WWOX: variants seen among roughly 807,000 people sequenced by gnomAD.
WWOX encodes the protein WW domain containing oxidoreductase.
WWOX carries 69 observed loss-of-function variants against 46.2 expected under a neutral mutation model. The ratio of observed to expected loss-of-function variants is 1.49; its 90% CI spans 1.23 to 1.82. WWOX has a LOEUF of 1.82. Ranked by LOEUF, WWOX falls within the 40% of genes most tolerant of loss-of-function variation. WWOX has a pLI of 0.00. For missense variants in WWOX, 919 were observed against 542.6 expected (o/e 1.69, Z -6.89); for synonymous variants, 359 against 202.6 (o/e 1.77, Z -6.56).
intron 8 of WWOX, among the ~76,000 whole-genome samples, chr16:79,023,674 C>G (rs573097001): frequency 3.3e-5 from 5 of 151,990 alleles, no homozygotes; most frequent in African/African-American, 1.2e-4. Context: ...AATCCCAGCA[C>G]TTTGGGAGGC....
At position 78,296,609 on chromosome 16, in the gene WWOX, C is replaced by T. The variant is rs758185422; in HGVS notation, c.517-90251C>T. ...AACAACCATGTACAGAAATTATACT[C>T]TGTACACAGGGGAAATATGAAAGTT... On this transcript the variant is annotated intron_variant, in intron 5 of 8. Transcript: ENST00000566780. 1.3e-4 allele frequency among the ~76,000 whole-genome samples: 20 copies of T among 151,560 alleles called. 1 individual carries two copies. Among genetic ancestry groups the T allele is most frequent in the Non-Finnish European group, 2.4e-4 (16 of 67,916 alleles).
At chr16:78,710,825 C>T (rs2048429658) in intron 8 of WWOX, among the ~76,000 whole-genome samples, 1 of 151,794 alleles carries the variant, frequency 6.6e-6, no homozygotes, top group East Asian at 1.9e-4. Context: ...CTTTGTGGCC[C>T]AGGCTGATCT....
intron 8 of WWOX, chr16:79,205,247 C>A (rs1315604549): frequency 2.0e-5 from 3 of 152,228 alleles, no homozygotes; most frequent in Admixed American, 6.5e-5. Flanking sequence ...TGGTGATGGA[C>A]TGGCACTTTA....
At chr16:78,865,973 A>G (rs2043994584) in intron 8 of WWOX, among the ~76,000 whole-genome samples, 1 of 152,186 alleles carries the variant, frequency 6.6e-6, no homozygotes, top group Non-Finnish European at 1.5e-5. Context: ...GTTTTTAAAA[A>G]CCGTAGGTGA....
Position 78,486,229 on chromosome 16 carries a change from C to T in WWOX, c.1056+53477C>T, listed in dbSNP as rs564953453. Among the ~76,000 whole-genome samples, 28 of 152,246 alleles carry T rather than the reference C, an allele frequency of 1.8e-4. 1 individual carries two copies. Among genetic ancestry groups the T allele is most frequent in the Admixed American group, 1.7e-3 (26 of 15,288 alleles). Reference sequence around the variant, plus strand: ...TCACACCTTGGCTGATTTCAAGTTGCAGCTTGGAACTTGGAGTTAGAAAGA... The same window carrying T: ...TCACACCTTGGCTGATTTCAAGTTGTAGCTTGGAACTTGGAGTTAGAAAGA... On this transcript the variant is annotated intron_variant, in intron 8 of 8. Coordinates refer to ENST00000566780, the MANE Select transcript of WWOX (RefSeq NM_016373.4).
intron 8 of WWOX, among the ~76,000 whole-genome samples, chr16:79,172,218 C>T (rs949270096): frequency 2.0e-5 from 3 of 152,134 alleles, no homozygotes; most frequent in Admixed American, 1.3e-4. Flanking sequence ...GTTTTATTTC[C>T]CCACTTGGCA....
At chr16:78,559,322 A>G (rs2044377991) in intron 8 of WWOX, among the ~76,000 whole-genome samples, 1 of 152,208 alleles carries the variant, frequency 6.6e-6, no homozygotes, top group Non-Finnish European at 1.5e-5. Context: ...GACTGGTAGC[A>G]GGTGGGCTCC....
chr16:78,427,347 G>C (rs1283736728), intron 7 of WWOX, among the ~76,000 whole-genome samples: 1 of 152,184 alleles, frequency 6.6e-6, no homozygotes, highest in Non-Finnish European at 1.5e-5. Context: ...ACTGAATTGA[G>C]TTTCTGCATA....
chr16:78,382,826 CG>C (rs1310821727), intron 5 of WWOX, among the ~76,000 whole-genome samples: 1 of 151,802 alleles, frequency 6.6e-6, no homozygotes, highest in Non-Finnish European at 1.5e-5. Context: ...AGAAAATAAA[CG>C]CATCTCAAGT....
chr16:79,054,825 TCAAAA>T (rs956131565), intron 8 of WWOX, among the ~76,000 whole-genome samples: 2 of 152,130 alleles, frequency 1.3e-5, no homozygotes, highest in Non-Finnish European at 2.9e-5. Flanking sequence ...GACCTTTGTC[TCAAAA>T]CAAACAAAGA....
chr16:78,306,685 C>G (rs928286018), intron 5 of WWOX, among the ~76,000 whole-genome samples: 1 of 151,672 alleles, frequency 6.6e-6, no homozygotes, highest in Non-Finnish European at 1.5e-5. Flanking sequence ...TCCTGATGAG[C>G]CCTATGCCTT....
intron 8 of WWOX, among the ~76,000 whole-genome samples, chr16:79,044,375 A>T (rs576069641): frequency 1.3e-5 from 2 of 152,136 alleles, no homozygotes; most frequent in African/African-American, 4.8e-5. Flanking sequence ...TGATTGGGTC[A>T]TGGGGGTGGA....
At chr16:78,156,196 A>C (rs1477504789) in intron 4 of WWOX, among the ~76,000 whole-genome samples, 2 of 152,166 alleles carry the variant, frequency 1.3e-5, no homozygotes, top group Non-Finnish European at 2.9e-5. Flanking sequence ...TGGAAGCTTG[A>C]GCCTGTAGCC....
At chr16:78,834,259 G>A (rs1286826819) in intron 8 of WWOX, among the ~76,000 whole-genome samples, 1 of 152,152 alleles carries the variant, frequency 6.6e-6, no homozygotes, top group Non-Finnish European at 1.5e-5. Flanking sequence ...AGGCCCAAAA[G>A]GCTGATCTGG....
chr16:79,088,403 G>T (rs545905636), intron 8 of WWOX, among the ~76,000 whole-genome samples: 5 of 152,290 alleles, frequency 3.3e-5, no homozygotes, highest in African/African-American at 9.6e-5. Flanking sequence ...TAAAGACAGG[G>T]TTTGCTGAAC....
intron 8 of WWOX, chr16:79,206,046 A>C (rs905138851): frequency 1.3e-5 from 2 of 152,128 alleles, no homozygotes; most frequent in African/African-American, 4.8e-5. Context: ...TTGCTGTTGG[A>C]TCATCGAAGG....
intron 8 of WWOX, among the ~76,000 whole-genome samples, chr16:78,767,713 A>G (rs193131502): frequency 1.3e-5 from 2 of 152,242 alleles, no homozygotes; most frequent in Non-Finnish European, 2.9e-5. Flanking sequence ...TAGTTGCTCC[A>G]CATCTACCCA....
intron 5 of WWOX, among the ~76,000 whole-genome samples, chr16:78,247,647 T>A (rs148382483): frequency 6.6e-6 from 1 of 152,344 alleles, no homozygotes; most frequent in Non-Finnish European, 1.5e-5. Flanking sequence ...AGCTCATGGT[T>A]CCATGTGACT....
At chr16:78,981,279 C>G (rs190392198) in intron 8 of WWOX, among the ~76,000 whole-genome samples, 149 of 152,138 alleles carry the variant, frequency 9.8e-4, no homozygotes, top group African/African-American at 3.5e-3. Flanking sequence ...TGGCTGATGC[C>G]TGAGCCATCT....
Sources: gnomAD v4.1 joint callset for allele counts (sites outside exome capture counted in the v4.1 genomes callset) on GRCh38, gnomAD v4.1.1 for gene constraint, MANE v1.5 for transcripts, NCBI Gene and HGNC (gene_info 2026-07-23, HGNC 2026-07-21) for gene names.